The following DIAPH3 variants were observed in gnomAD, a reference collection of about 807,000 sequenced individuals.
DIAPH3 encodes protein diaphanous homolog 3.
A neutral mutation model predicts 144.3 loss-of-function variants in DIAPH3; 117 were observed. The observed-to-expected ratio is 0.81, with a 90% CI of 0.70 to 0.95. The LOEUF (loss-of-function observed/expected upper bound fraction) is 0.95. DIAPH3 is among the 40% of genes least tolerant of loss of function. DIAPH3 has a pLI of 0.00. For missense variants in DIAPH3, 1,421 were observed against 1,412.7 expected, an observed-to-expected ratio of 1.01 and a Z score of -0.09; for synonymous variants, 519 against 488.9, an observed-to-expected ratio of 1.06 and a Z score of -0.81.
At chr13:59,714,099 G>A (rs920577085) in intron 27 of DIAPH3, among the ~76,000 whole-genome samples, 4 of 152,144 alleles carry the variant, frequency 2.6e-5, no homozygotes, top group Non-Finnish European at 5.9e-5. Context: ...GGTGGCTCAC[G>A]CCTGTAATCC....
chr13:59,752,934 A>T (rs941319760), intron 27 of DIAPH3, among the ~76,000 whole-genome samples: 1 of 152,218 alleles, frequency 6.6e-6, no homozygotes, highest in Non-Finnish European at 1.5e-5. Context: ...TTAAGAACAC[A>T]TGTAGACATC....
intron 12 of DIAPH3, among the ~76,000 whole-genome samples, chr13:59,984,695 T>C (rs894587762): frequency 4.2e-5 from 6 of 142,660 alleles, no homozygotes; most frequent in African/African-American, 1.6e-4. Flanking sequence ...TACAAACACC[T>C]CTACGCAAAT....
chr13:60,120,267 G>C (rs1374502389), intron 2 of DIAPH3, among the ~76,000 whole-genome samples: 2 of 152,164 alleles, frequency 1.3e-5, no homozygotes, highest in Admixed American at 6.5e-5. Context: ...TTACAAAGAT[G>C]TATCACTGTG....
rs140806827 is a variant in DIAPH3, at chr13:60,046,554, G to A, written c.496-3734C>T. Among the ~76,000 whole-genome samples the A allele has an allele frequency of 3.9e-3, 599 of 152,284 alleles. 5 individuals are homozygous for A. The highest frequency in any genetic ancestry group is 0.014 in the African/African-American group (581 of 41,560). On this transcript the variant is annotated intron_variant, in intron 4 of 27. Coordinates refer to ENST00000400324, the MANE Select transcript of DIAPH3 (RefSeq NM_001042517.2). ...TGTAAATAGTTCAACCATTGTGGAA[G>A]ACAGTATGGTGATTCCTCAGGGATC...
At chr13:60,042,626 A>G (rs1594481828) in intron 5 of DIAPH3, 64 bp downstream of exon 5, 6 of 1,600,842 alleles carry the variant, frequency 3.7e-6, no homozygotes, top group Non-Finnish European at 5.1e-6. Flanking sequence ...AATGAAAAAA[A>G]GTATTAAACT....
intron 21 of DIAPH3, among the ~76,000 whole-genome samples, chr13:59,876,859 C>T (rs1240727377): frequency 6.6e-6 from 1 of 152,118 alleles, no homozygotes; most frequent in South Asian, 2.1e-4. Flanking sequence ...TCTTGCCCCT[C>T]ACCCTGTTTT....
At chr13:60,021,342 G>T (rs984769769) in intron 5 of DIAPH3, among the ~76,000 whole-genome samples, 8 of 152,094 alleles carry the variant, frequency 5.3e-5, no homozygotes. Flanking sequence ...AGCATAAAAA[G>T]GGATGGGCAC....
At chr13:59,996,396 ACTGT>A (rs1256458431) in intron 9 of DIAPH3, among the ~76,000 whole-genome samples, 4 of 152,102 alleles carry the variant, frequency 2.6e-5, no homozygotes, top group Non-Finnish European at 5.9e-5. Flanking sequence ...GAAAGCCAAT[ACTGT>A]AAGCTCACTT....
At chr13:59,847,085 A>T (rs341504) in intron 22 of DIAPH3, among the ~76,000 whole-genome samples, 84,967 of 151,972 alleles carry the variant, frequency 0.56, 25,326 homozygotes, top group Admixed American at 0.68. Context: ...TCTCAAAAAA[A>T]AGAAAGACAA....
intron 27 of DIAPH3, among the ~76,000 whole-genome samples, chr13:59,709,416 C>T (rs546945777): frequency 6.6e-6 from 1 of 152,144 alleles, no homozygotes; most frequent in East Asian, 1.9e-4. Flanking sequence ...CAAACAACCC[C>T]ATCAAAAAGG....
chr13:60,000,562 A>G (rs2052463078), intron 9 of DIAPH3, among the ~76,000 whole-genome samples: 1 of 152,186 alleles, frequency 6.6e-6, no homozygotes, highest in Non-Finnish European at 1.5e-5. Context: ...TATTGGTATT[A>G]TATCTAAAGA....
At chr13:60,142,567 T>G (rs1338144562) in intron 1 of DIAPH3, among the ~76,000 whole-genome samples, 1 of 151,894 alleles carries the variant, frequency 6.6e-6, no homozygotes, top group African/African-American at 2.4e-5. Context: ...CCCCAAGAGG[T>G]CTACATGCAG....
intron 1 of DIAPH3, among the ~76,000 whole-genome samples, chr13:60,156,920 T>C (rs7327739): frequency 0.078 from 2,968 of 37,966 alleles, 342 homozygotes; most frequent in Admixed American, 0.11. Context: ...AGATCCTTCA[T>C]ATATATATAT....
intron 27 of DIAPH3, among the ~76,000 whole-genome samples, chr13:59,668,518 T>C (rs982133583): frequency 6.6e-6 from 1 of 152,194 alleles, no homozygotes; most frequent in East Asian, 1.9e-4. Context: ...AATGTGTGTG[T>C]GCGTGTGTGC....
chr13:60,045,123 C>A (rs2055976580), intron 4 of DIAPH3, among the ~76,000 whole-genome samples: 1 of 152,128 alleles, frequency 6.6e-6, no homozygotes, highest in Admixed American at 6.5e-5. Context: ...GGGCGGATCA[C>A]CTGAGGGCGG....
intron 17 of DIAPH3, among the ~76,000 whole-genome samples, chr13:59,948,908 A>G (rs565957690): frequency 6.9e-6 from 1 of 145,382 alleles, no homozygotes; most frequent in Non-Finnish European, 1.5e-5. Context: ...AAGGAAGGAA[A>G]CTTCAACAAA....
chr13:59,735,469 C>T (rs752931461), intron 27 of DIAPH3, among the ~76,000 whole-genome samples: 1 of 151,858 alleles, frequency 6.6e-6, no homozygotes, highest in Non-Finnish European at 1.5e-5. Flanking sequence ...AGGTGGTGTG[C>T]TAAAATAAAT....
chr13:59,856,434 G>A (rs934450489), intron 22 of DIAPH3, among the ~76,000 whole-genome samples: 1 of 152,104 alleles, frequency 6.6e-6, no homozygotes, highest in African/African-American at 2.4e-5. Flanking sequence ...CCAAGATCAA[G>A]GTGTTGGCAG....
intron 17 of DIAPH3, among the ~76,000 whole-genome samples, chr13:59,936,763 T>TCAAA (rs1258877254): frequency 1.3e-5 from 2 of 152,208 alleles, no homozygotes; most frequent in Non-Finnish European, 2.9e-5. Context: ...TTATGTGCCC[T>TCAAA]CAAAATCTCA....
Sources: gnomAD v4.1 joint callset for allele counts (sites outside exome capture counted in the v4.1 genomes callset) on GRCh38, gnomAD v4.1.1 for gene constraint, MANE v1.5 for transcripts, NCBI Gene and HGNC (gene_info 2026-07-23, HGNC 2026-07-21) for gene names.